Variants in PITPNC1 observed in about 807,000 individuals in gnomAD.
PITPNC1 encodes phosphatidylinositol transfer protein cytoplasmic 1.
PITPNC1 carries 18 observed loss-of-function variants against 44.7 expected under a neutral mutation model. That is an observed-to-expected ratio of 0.40 (90% CI 0.28 to 0.60). The LOEUF is 0.60. Among genes scored for constraint, PITPNC1 ranks in the 20% least tolerant of loss-of-function variants. The pLI, the probability that PITPNC1 is intolerant of heterozygous loss-of-function variation, is 0.39. For missense variants in PITPNC1, 290 were observed against 418.4 expected (o/e 0.69, Z 2.68); for synonymous variants, 141 against 149.6 (o/e 0.94, Z 0.42).
At chr17:67,688,815 A>C (rs2042868947) in intron 8 of PITPNC1, among the ~76,000 whole-genome samples, 1 of 152,218 alleles carries the variant, frequency 6.6e-6, no homozygotes, top group Non-Finnish European at 1.5e-5. Flanking sequence ...GAGACACCAG[A>C]TGGCTAAAAG....
At chr17:67,389,615 T>C (rs541768405) in intron 1 of PITPNC1, among the ~76,000 whole-genome samples, 1 of 152,326 alleles carries the variant, frequency 6.6e-6, no homozygotes, top group African/African-American at 2.4e-5. Flanking sequence ...GTAAGTGTAT[T>C]AAGAACCATT....
intron 1 of PITPNC1, among the ~76,000 whole-genome samples, chr17:67,458,384 A>G (rs2143966358): frequency 6.6e-6 from 1 of 152,070 alleles, no homozygotes. Flanking sequence ...GACCTCTCTA[A>G]TGCTCTTTGG....
Position 67,632,157 on chromosome 17 carries a change from A to C in PITPNC1, c.381A>C (p.Glu127Asp). Residue 127 changes from glutamate to aspartate, a missense_variant, in exon 6 of 9, where the codon GAA becomes GAC. Transcript: ENST00000581322. ...KGSNDTIFDN[E>D]AKDVEREVCF... The stretch of plus-strand genomic sequence containing the variant: ...TGCTTTTTCAGATTTTCGACAATGA[A>C]GCCAAAGACGTGGAGAGAGAAGTTT... 1 of 1,611,412 alleles carries C rather than the reference A, an allele frequency of 6.2e-7. No homozygotes were observed.
At chr17:67,478,685 T>C (rs1253000355) in intron 1 of PITPNC1, among the ~76,000 whole-genome samples, 1 of 152,112 alleles carries the variant, frequency 6.6e-6, no homozygotes, top group Non-Finnish European at 1.5e-5. Flanking sequence ...AGGATGTCAC[T>C]GAGAAAGGGT....
rs561289656 is a variant in PITPNC1, at chr17:67,577,627, AATTT to A, written c.295-558_295-555del. 2.3e-4 allele frequency among the ~76,000 whole-genome samples: 35 copies of A among 151,132 alleles called. No individual in the cohort carries two copies. In the East Asian group the frequency reaches 3.5e-3, roughly 15 times the overall value. On this transcript the variant is annotated intron_variant, in intron 4 of 8. Transcript: ENST00000581322. ...ATTTAAAATTTAAAATAAATTTAAA[AATTT>A]TTTTTATTTTACTTTAAAAATAAAT...
intron 1 of PITPNC1, among the ~76,000 whole-genome samples, chr17:67,492,679 C>T (rs1459236778): frequency 6.6e-6 from 1 of 152,170 alleles, no homozygotes; most frequent in Non-Finnish European, 1.5e-5. Flanking sequence ...TGTTTTCACA[C>T]CGCCCCAGGA....
intron 6 of PITPNC1, among the ~76,000 whole-genome samples, chr17:67,654,336 C>A (rs1255819594): frequency 6.6e-6 from 1 of 152,162 alleles, no homozygotes; most frequent in Admixed American, 6.5e-5. Context: ...AACCTGCATG[C>A]TGTTGGGCAG....
intron 1 of PITPNC1, among the ~76,000 whole-genome samples, chr17:67,488,148 T>A (rs796677340): frequency 6.6e-6 from 1 of 152,288 alleles, no homozygotes; most frequent in African/African-American, 2.4e-5. Context: ...AAAAATACAT[T>A]GAGTCAACCC....
At chr17:67,618,348 G>A (rs555513127) in intron 5 of PITPNC1, among the ~76,000 whole-genome samples, 5 of 127,120 alleles carry the variant, frequency 3.9e-5, no homozygotes, top group Admixed American at 3.6e-4. Flanking sequence ...CTGGGTGAGA[G>A]AGCGAGACTC....
intron 1 of PITPNC1, among the ~76,000 whole-genome samples, chr17:67,514,011 GA>G (rs113151579): frequency 1.5e-3 from 215 of 145,546 alleles, no homozygotes; most frequent in African/African-American, 3.4e-3. Context: ...GCAAAGAAGG[GA>G]AAAAAAAAAA....
intron 1 of PITPNC1, among the ~76,000 whole-genome samples, chr17:67,441,011 T>G (rs757469135): frequency 6.6e-6 from 1 of 152,118 alleles, no homozygotes; most frequent in African/African-American, 2.4e-5. Context: ...AGTACCTAAG[T>G]GTATCAGTCT....
rs112484629 is a variant in PITPNC1, at chr17:67,662,490, T to C, written c.463-7018T>C. Reference sequence around the variant, plus strand: ...TGTATAATTCAACGTTTTTTTCATATACTTATCTAGTTGTGAGCCATCATT... The same window carrying C: ...TGTATAATTCAACGTTTTTTTCATACACTTATCTAGTTGTGAGCCATCATT... On this transcript the variant is annotated intron_variant, in intron 6 of 8. Coordinates refer to ENST00000581322, the MANE Select transcript of PITPNC1 (RefSeq NM_012417.4). Among the ~76,000 whole-genome samples, 871 of 152,274 alleles carry C rather than the reference T, an allele frequency of 5.7e-3. 3 individuals are homozygous for C. The highest frequency in any genetic ancestry group is 0.019 in the African/African-American group (802 of 41,548).
In PITPNC1 at chr17:67,445,433, G is replaced by A. The variant is rs145670576; in HGVS notation, c.48+67231G>A. Among the ~76,000 whole-genome samples, 291 of 152,156 alleles carry A rather than the reference G, an allele frequency of 1.9e-3. 4 individuals are homozygous for A. Among genetic ancestry groups the A allele is most frequent in the Non-Finnish European group, 3.2e-3 (215 of 67,972 alleles). The stretch of plus-strand genomic sequence containing the variant: ...GGATACCGCTTTCTGAGCCCCAACA[G>A]TAACTAGGTATTATTTTGAAGGGTT... On this transcript the variant is annotated intron_variant, in intron 1 of 8. Coordinates refer to ENST00000581322, the MANE Select transcript of PITPNC1 (RefSeq NM_012417.4).
chr17:67,544,342 CT>C (rs1179942831), intron 2 of PITPNC1, among the ~76,000 whole-genome samples: 1 of 148,588 alleles, frequency 6.7e-6, no homozygotes, highest in Non-Finnish European at 1.5e-5. Flanking sequence ...GTCACCTTTT[CT>C]TTTCACTTCG....
At chr17:67,686,245 C>T (rs2042813739) in intron 8 of PITPNC1, among the ~76,000 whole-genome samples, 1 of 148,516 alleles carries the variant, frequency 6.7e-6, no homozygotes, top group South Asian at 2.2e-4. Flanking sequence ...GTAGGATGCT[C>T]CATAGTGTCC....
chr17:67,380,487 C>T (rs2037941468), intron 1 of PITPNC1, among the ~76,000 whole-genome samples: 1 of 152,148 alleles, frequency 6.6e-6, no homozygotes, highest in South Asian at 2.1e-4. Context: ...GATTCAGTTT[C>T]TGTAAGGTTC....
rs1256148505 is a variant in PITPNC1 at position 67,425,188 on chromosome 17, C to CGT, written c.48+46987_48+46988insTG. Among the ~76,000 whole-genome samples, 39 of 46,662 alleles carry CGT rather than the reference C, an allele frequency of 8.4e-4. 2 individuals carry two copies. The highest frequency in any genetic ancestry group is 6.2e-3 in the East Asian group (21 of 3,390). 30.6% of individuals were successfully genotyped at this position (46,662 alleles called of 152,430 possible). On this transcript the variant is annotated intron_variant, in intron 1 of 8. Transcript: ENST00000581322. ...AGGTGAAATAAACAGCCATGTTGTGCGCGCGCACGCACACGCACACACACA... is the reference window on the plus strand; with the variant it reads ...AGGTGAAATAAACAGCCATGTTGTGCGTGCGCGCACGCACACGCACACACACA...
chr17:67,471,212 T>TA (rs150754373), intron 1 of PITPNC1, among the ~76,000 whole-genome samples: 46,948 of 93,848 alleles, frequency 0.5, 11,285 homozygotes, highest in African/African-American at 0.73. Flanking sequence ...AAAAATAAAT[T>TA]AAAAAAAAAA....
At chr17:67,391,150 A>C (rs1046323280) in intron 1 of PITPNC1, among the ~76,000 whole-genome samples, 2 of 83,558 alleles carry the variant, frequency 2.4e-5, no homozygotes, top group Non-Finnish European at 5.1e-5. Context: ...CTGAGCAAAG[A>C]AAAAAAAATC....
Sources: gnomAD v4.1 joint callset for allele counts (sites outside exome capture counted in the v4.1 genomes callset) on GRCh38, gnomAD v4.1.1 for gene constraint, MANE v1.5 for transcripts, NCBI Gene and HGNC (gene_info 2026-07-23, HGNC 2026-07-21) for gene names.